The following CIITA variants were observed in gnomAD, a reference collection of about 807,000 sequenced individuals.
CIITA encodes MHC class II transactivator.
A neutral mutation model predicts 115.1 loss-of-function variants in CIITA; 72 were observed. The ratio of observed to expected loss-of-function variants is 0.63; its 90% confidence interval spans 0.52 to 0.76. The LOEUF (loss-of-function observed/expected upper bound fraction) is 0.76. Ranked by LOEUF, CIITA falls within the 30% of genes least tolerant of loss-of-function variation. The pLI, the probability that CIITA is intolerant of heterozygous loss-of-function variation, is 0.00. For missense variants in CIITA, 1,617 were observed against 1,463.8 expected (o/e 1.10, Z -1.71); for synonymous variants, 763 against 635.6 (o/e 1.20, Z -3.02).
At chr16:10,900,042 C>T (rs560640398) in intron 5 of CIITA, among the ~76,000 whole-genome samples, 2 of 152,206 alleles carry the variant, frequency 1.3e-5, no homozygotes, top group East Asian at 3.9e-4. Context: ...GATCACGCCA[C>T]TGCACTCCAG....
chr16:10,914,978 T>G, intron 13 of CIITA: 1 of 445,220 alleles, frequency 2.2e-6, no homozygotes, highest in Non-Finnish European at 4.5e-6. Context: ...GAGTAAGAAC[T>G]GGCTCCCTAC....
chr16:10,905,718 C>T (rs1421752938), intron 10 of CIITA, among the ~76,000 whole-genome samples: 7 of 151,192 alleles, frequency 4.6e-5, no homozygotes, highest in South Asian at 2.1e-4. Context: ...GCTGAGATTG[C>T]GCCAGTGCAC....
Position 10,941,621 on chromosome 16 carries a change from T to G in CIITA, n.747T>G. 1 of 1,513,002 alleles carries G rather than the reference T, an allele frequency of 6.6e-7. No individual in the cohort carries two copies. Among genetic ancestry groups the G allele is most frequent in the East Asian group, 2.3e-5 (1 of 42,930 alleles). 93.7% of individuals were successfully genotyped at this position (1,513,002 alleles called of 1,614,324 possible). On this transcript the variant is annotated non_coding_transcript_exon_variant, in exon 2 of 2. Coordinates refer to the CIITA transcript ENST00000573379. The surrounding 1 kb of genome is among the most constrained non-coding windows in gnomAD (Gnocchi z 6.4). ...TCCTGGGGAACCATCCCCGTCCAGA[T>G]GGTGCCCCCAACCAGCTGCGGCGGC...
chr16:10,877,139 G>A, upstream of CIITA: 1 of 643,624 alleles, frequency 1.6e-6, no homozygotes, highest in Non-Finnish European at 2.8e-6. Flanking sequence ...TTTTTTTGAT[G>A]ATCCCTCACT....
intron 13 of CIITA, among the ~76,000 whole-genome samples, chr16:10,913,778 A>G (rs12934170): frequency 0.23 from 35,475 of 151,566 alleles, 4,772 homozygotes; most frequent in South Asian, 0.37. Flanking sequence ...TCTCTACTAA[A>G]TATACAAAAC....
chr16:10,888,950 A>G (rs1216943499), intron 1 of CIITA, among the ~76,000 whole-genome samples: 3 of 152,230 alleles, frequency 2.0e-5, no homozygotes, highest in Admixed American at 1.3e-4. Context: ...AAACAGGAAT[A>G]CAAATAGCTG....
intron 1 of CIITA, among the ~76,000 whole-genome samples, chr16:10,893,918 C>T (rs902268629): frequency 6.6e-6 from 1 of 150,460 alleles, no homozygotes; most frequent in Non-Finnish European, 1.5e-5. Context: ...CACATTTCAT[C>T]ACCCCCTAAA....
chr16:10,878,288 C>A (rs959133204), intron 1 of CIITA, among the ~76,000 whole-genome samples: 11 of 152,108 alleles, frequency 7.2e-5, no homozygotes, highest in Non-Finnish European at 1.0e-4. Flanking sequence ...TAAGTTGCTA[C>A]GGGAAAGTGT....
rs78223980 is a variant in CIITA at position 10,916,747 on chromosome 16, T to G, written c.3062+288T>G. On this transcript the variant is annotated intron_variant, in intron 15 of 19. Transcript: ENST00000324288. ...ATTCAATCAGCCATTCATCCTTCCA[T>G]TCAATGATTCATCCATTCACTTATG... 2,423 of 481,138 alleles carry G rather than the reference T, an allele frequency of 5.0e-3. 67 individuals carry two copies. Among genetic ancestry groups the G allele is most frequent in the African/African-American group, 0.043 (2,240 of 52,010 alleles). 29.8% of individuals were successfully genotyped at this position (481,138 alleles called of 1,614,324 possible).
Position 10,931,592 on chromosome 16 carries a change from C to T in CIITA, c.*7737C>T, listed in dbSNP as rs2040797180. On this transcript the variant is annotated 3_prime_UTR_variant, in exon 20 of 20. Coordinates refer to ENST00000324288, the MANE Select transcript of CIITA (RefSeq NM_000246.4). The stretch of plus-strand genomic sequence containing the variant: ...TTCCAAGTCGCTCACACCTGTAATC[C>T]CAACACTTTGGGAGGCTAAGGTGGG... 2 of 152,200 alleles carry T rather than the reference C, an allele frequency of 1.3e-5. No individual in the cohort carries two copies. Among genetic ancestry groups the T allele is most frequent in the African/African-American group, 4.8e-5 (2 of 41,434 alleles). 9.4% of individuals were successfully genotyped at this position (152,200 alleles called of 1,614,324 possible).
intron 13 of CIITA, among the ~76,000 whole-genome samples, chr16:10,910,976 T>C (rs909326371): frequency 5.3e-5 from 8 of 151,842 alleles, no homozygotes. Context: ...AGAAGCCCCT[T>C]AGTCCCAGGC....
chr16:10,911,140 GC>G (rs1236279896), intron 13 of CIITA, among the ~76,000 whole-genome samples: 1 of 152,174 alleles, frequency 6.6e-6, no homozygotes, highest in Non-Finnish European at 1.5e-5. Context: ...CCATACATGG[GC>G]CCCAAGAAAG....
chr16:10,929,676 C>T lies in CIITA; in HGVS notation c.*5821C>T. On this transcript the variant is annotated 3_prime_UTR_variant, in exon 20 of 20. Coordinates refer to ENST00000324288, the MANE Select transcript of CIITA (RefSeq NM_000246.4). This position sits in a 1 kb window ranked among gnomAD's most constrained non-coding sequence, Gnocchi z 4.3. ...GAGGCTTGGGGTGGGGCAGGGAAGT[C>T]TTCCTCCATCCCTCAAATTTAGGGA... The T allele has an allele frequency of 2.0e-6, 1 of 490,372 alleles. No homozygotes were observed. The highest frequency in any genetic ancestry group is 2.6e-6 in the Non-Finnish European group (1 of 377,612). 30.4% of individuals were successfully genotyped at this position (490,372 alleles called of 1,614,324 possible).
At chr16:10,900,623 C>G (rs1295952319) in intron 5 of CIITA, among the ~76,000 whole-genome samples, 3 of 152,006 alleles carry the variant, frequency 2.0e-5, no homozygotes, top group Non-Finnish European at 4.4e-5. Flanking sequence ...ACCTGTAATC[C>G]CAGCTACCAG....
rs1286150448 is a variant in CIITA, at chr16:10,934,804, T to G, written c.*10949T>G. On this transcript the variant is annotated 3_prime_UTR_variant, in exon 20 of 20. Transcript: ENST00000324288. The surrounding 1 kb of genome is among the most constrained non-coding windows in gnomAD (Gnocchi z 4.2). Reference sequence around the variant, plus strand: ...GAGGGAGTTCCCCGCCACTCCAAGCTTGGGGCCTGGGATGGCAGCTGTGAG... The same window carrying G: ...GAGGGAGTTCCCCGCCACTCCAAGCGTGGGGCCTGGGATGGCAGCTGTGAG... The G allele has an allele frequency of 6.6e-6, 1 of 152,352 alleles. No individual in the cohort carries two copies. The highest frequency in any genetic ancestry group is 2.1e-4 in the South Asian group (1 of 4,826). The allele number at this position is 152,352 out of a possible 1,614,324, so 9.4% of individuals were successfully genotyped here.
Position 10,907,677 on chromosome 16 carries a change from A to G in CIITA, c.2185A>G (p.Lys729Glu). 1 of 1,614,180 alleles carries G rather than the reference A, an allele frequency of 6.2e-7. No individual in the cohort carries two copies. Among genetic ancestry groups the G allele is most frequent in the South Asian group, 1.1e-5 (1 of 91,082 alleles). ...GTGGCTGGCTCTGAGTGGCGAAATC[A>G]AGGACAAGGAGCTCCCGCAGTACCT... ...ALWLALSGEI[K>E]DKELPQYLAL... The change falls in exon 11 of 20, where the codon AAG (lysine) becomes GAG (glutamate). Residue 729 changes from lysine (K) to glutamate (E), a missense_variant. Coordinates refer to ENST00000324288, the MANE Select transcript of CIITA (RefSeq NM_000246.4). The surrounding 1 kb of genome is among the most constrained non-coding windows in gnomAD (Gnocchi z 5.0).
At chr16:10,893,804 TA>T (rs71136603) in intron 1 of CIITA, among the ~76,000 whole-genome samples, 417 of 32,094 alleles carry the variant, frequency 0.013, 6 homozygotes, top group African/African-American at 0.041. Flanking sequence ...GACTCCGTCT[TA>T]AAAAAAAAAA....
In CIITA at chr16:10,907,432, G is replaced by A. The variant is rs757021053; in HGVS notation, c.1940G>A (p.Arg647His). 8.1e-6 allele frequency: 13 copies of A among 1,612,866 alleles called. No individual in the cohort carries two copies. Among genetic ancestry groups the A allele is most frequent in the Admixed American group, 1.7e-5 (1 of 59,996 alleles). Reference protein sequence around the residue: ...LTGLYVGLLGRAALDSPPGAL... With the variant: ...LTGLYVGLLGHAALDSPPGAL... ...GGACTCTATGTCGGCCTGCTGGGCC[G>A]TGCAGCCCTCGACAGCCCCCCCGGG... The change falls in exon 11 of 20, where the codon CGT becomes CAT. Residue 647 changes from arginine to histidine, a missense_variant. Transcript: ENST00000324288. The surrounding 1 kb of genome is among the most constrained non-coding windows in gnomAD (Gnocchi z 5.0).
downstream of CIITA, chr16:10,938,954 A>G (rs1412426958): frequency 6.6e-6 from 1 of 152,248 alleles, no homozygotes; most frequent in African/African-American, 2.4e-5. This position sits in a 1 kb window ranked among gnomAD's most constrained non-coding sequence, Gnocchi z 4.9. Context: ...GAGATAAAAT[A>G]AGACGTTCCT....
Sources: gnomAD v4.1 joint callset for allele counts (sites outside exome capture counted in the v4.1 genomes callset) on GRCh38, gnomAD v4.1.1 for gene constraint, Gnocchi (gnomAD v3.1) non-coding constraint, MANE v1.5 for transcripts, NCBI Gene and HGNC (gene_info 2026-07-23, HGNC 2026-07-21) for gene names.